Variants in FAN1 observed in about 807,000 individuals in gnomAD.
The protein encoded by FAN1 is FANCD2 and FANCI associated nuclease 1, also known as fanconi-associated nuclease 1.
Under a neutral mutation model 104.9 loss-of-function variants are expected in FAN1, and 91 were observed. That is an observed-to-expected ratio of 0.87 (90% confidence interval 0.73 to 1.03). FAN1 has a LOEUF of 1.03. Ranked by LOEUF, FAN1 falls within the 50% of genes least tolerant of loss-of-function variation. The pLI is 0.00. For missense variants in FAN1, 1,263 were observed against 1,239.9 expected (o/e 1.02, Z -0.28); for synonymous variants, 478 against 457.6 (o/e 1.04, Z -0.57).
At chr15:30,909,512 A>G (rs2062052066) in intron 3 of FAN1, among the ~76,000 whole-genome samples, 1 of 152,162 alleles carries the variant, frequency 6.6e-6, no homozygotes, top group Admixed American at 6.5e-5. Context: ...GTAAATTCAT[A>G]TGTCTGACAG....
Position 30,929,579 on chromosome 15 carries a change from TTATATTA to T in FAN1, c.2787+197_2787+203del, listed in dbSNP as rs1156776764. Among the ~76,000 whole-genome samples, 39 of 127,732 alleles carry T rather than the reference TTATATTA, an allele frequency of 3.1e-4. 1 individual carries two copies. Among genetic ancestry groups the T allele is most frequent in the Middle Eastern group, 7.5e-3 (2 of 268 alleles). 83.8% of individuals were successfully genotyped at this position (127,732 alleles called of 152,430 possible). ...ATATATTATATCTTTATTATATTTA[TTATATTA>T]TATATTATATATTACATATTACATA... On this transcript the variant is annotated intron_variant, in intron 12 of 14. Coordinates refer to ENST00000362065, the MANE Select transcript of FAN1 (RefSeq NM_014967.5).
At chr15:30,923,345 G>A (rs1485538495) in intron 8 of FAN1, among the ~76,000 whole-genome samples, 1 of 152,142 alleles carries the variant, frequency 6.6e-6, no homozygotes, top group African/African-American at 2.4e-5. Context: ...GAAGGAGAAA[G>A]CTTGTGTTTC....
At chr15:30,940,334 C>T in intron 14 of FAN1, 2 of 985,418 alleles carry the variant, frequency 2.0e-6, no homozygotes, top group South Asian at 9.4e-5. Flanking sequence ...TTCTCCTCAA[C>T]TTTGCTGTCC....
At chr15:30,939,713 T>C in intron 14 of FAN1, 8 of 974,966 alleles carry the variant, frequency 8.2e-6, no homozygotes, top group Non-Finnish European at 9.7e-6. Context: ...CCAAAACATT[T>C]AGTAATAATA....
rs1359060032 is a variant in FAN1 at position 30,929,268 on chromosome 15, G to A, written c.2658G>A (p.Arg886=). 6.2e-7 allele frequency: 1 copy of A among 1,613,688 alleles called. No individual in the cohort carries two copies. The highest frequency in any genetic ancestry group is 8.5e-7 in the Non-Finnish European group (1 of 1,179,862). Residue 886 remains arginine, a synonymous_variant, in exon 12 of 15, where the codon AGG becomes AGA. Coordinates refer to ENST00000362065, the MANE Select transcript of FAN1 (RefSeq NM_014967.5). ...GCAGACGCCCAGCCCTTGAGGCCAGGCTGCAGCTGATTCATGATGCCCCCG... is the reference window on the plus strand; with the variant it reads ...GCAGACGCCCAGCCCTTGAGGCCAGACTGCAGCTGATTCATGATGCCCCCG... The part of the protein sequence containing the change: ...FTSRRPALEA[R]LQLIHDAPEE...
chr15:30,924,992 TC>T (rs1262373870), intron 8 of FAN1, 134 bp from the exon 9 acceptor site: 1 of 860,878 alleles, frequency 1.2e-6, no homozygotes, highest in Non-Finnish European at 1.8e-6. Context: ...AGCCTAAATC[TC>T]TAGAAGTGCT....
At chr15:30,906,379 A>C (rs1337092257) in intron 2 of FAN1, 2 of 457,020 alleles carry the variant, frequency 4.4e-6, no homozygotes, top group Non-Finnish European at 8.8e-6. Context: ...AGATTTATGG[A>C]CTGTGCCTTT....
chr15:30,921,041 C>G (rs911040719), intron 7 of FAN1, among the ~76,000 whole-genome samples: 2 of 152,222 alleles, frequency 1.3e-5, no homozygotes, highest in Non-Finnish European at 2.9e-5. Flanking sequence ...ACCTTGGCCT[C>G]TGATGCTTTG....
At position 30,941,628 on chromosome 15, in the gene FAN1, T is replaced by C. The variant is rs1043247; in HGVS notation, c.*66T>C. ...AACTCCGGTGTCCCCGAGGTGTCGG[T>C]GTGGTGAGGGCCGCTGGCGTTGAAG... On this transcript the variant is annotated 3_prime_UTR_variant, in exon 15 of 15. Transcript: ENST00000362065. 1.9e-6 allele frequency: 3 copies of C among 1,606,792 alleles called. No homozygotes were observed. Among genetic ancestry groups the C allele is most frequent in the Non-Finnish European group, 2.5e-6 (3 of 1,176,478 alleles).
rs200389600 is a variant in FAN1 at position 30,925,078 on chromosome 15, C to T, written c.2173-49C>T. 152 of 1,551,610 alleles carry T rather than the reference C, an allele frequency of 9.8e-5. 1 individual carries two copies. The African/African-American group carries it at 1.8e-3, about 19-fold the overall frequency. ...TCTGTCAAACTAAATGCATGGAAGC[C>T]GCCATGGGTTTTTTTAGGAGCCTGA... On this transcript the variant is annotated intron_variant, in intron 8 of 14. Transcript: ENST00000362065.
At chr15:30,940,517 A>G in intron 14 of FAN1, 1 of 985,470 alleles carries the variant, frequency 1.0e-6, no homozygotes, top group African/African-American at 1.7e-5. Context: ...AAGTGCCAGC[A>G]ATAGTTTACC....
At chr15:30,907,547 AAAAC>A (rs1172455362) in intron 2 of FAN1, among the ~76,000 whole-genome samples, 3 of 151,818 alleles carry the variant, frequency 2.0e-5, no homozygotes, top group African/African-American at 7.3e-5. Flanking sequence ...ACAAAACAAA[AAAAC>A]AACCAAAAAA....
intron 10 of FAN1, chr15:30,927,929 A>T: frequency 1.0e-6 from 1 of 985,718 alleles, no homozygotes; most frequent in Non-Finnish European, 1.2e-6. Flanking sequence ...TCAGTAAAAC[A>T]TTTGTGTGAC....
At chr15:30,910,455 C>T (rs768488127) in intron 3 of FAN1, among the ~76,000 whole-genome samples, 159 bp from the exon 4 acceptor site, 19 of 152,164 alleles carry the variant, frequency 1.2e-4, no homozygotes, top group South Asian at 8.3e-4. Flanking sequence ...GTTATTAATA[C>T]GTTAATAATA....
chr15:30,940,038 TAC>T (rs547134768), intron 14 of FAN1: 166 of 978,300 alleles, frequency 1.7e-4, no homozygotes, highest in Non-Finnish European at 1.9e-4. Context: ...AAAGGTAAAA[TAC>T]AGTTATCTTG....
At chr15:30,916,964 C>T (rs952382892) in intron 5 of FAN1, among the ~76,000 whole-genome samples, 4 of 152,092 alleles carry the variant, frequency 2.6e-5, no homozygotes, top group African/African-American at 9.7e-5. Context: ...GCCTGCGTCC[C>T]GGCCGCGAGA....
chr15:30,929,273 A>G lies in FAN1; in HGVS notation c.2663A>G (p.Gln888Arg). The G allele has an allele frequency of 6.2e-7, 1 of 1,613,692 alleles. No individual in the cohort carries two copies. Residue 888 changes from glutamine to arginine, a missense_variant, in exon 12 of 15, where the codon CAG becomes CGG. Physicochemically the swap from Gln to Arg is conservative, Grantham distance 43 (BLOSUM62 1). Around this residue, in one of 2 missense-constraint regions of FAN1, gnomAD observed 581 missense variants for 668.8 expected, o/e 0.87. Coordinates refer to ENST00000362065, the MANE Select transcript of FAN1 (RefSeq NM_014967.5). ...CGCCCAGCCCTTGAGGCCAGGCTGC[A>G]GCTGATTCATGATGCCCCCGAGGAG... is the stretch of plus-strand genomic sequence containing the variant. ...SRRPALEARL[Q>R]LIHDAPEESL... is the part of the protein sequence containing the mutation.
intron 2 of FAN1, among the ~76,000 whole-genome samples, chr15:30,906,855 G>A (rs574268479): frequency 6.6e-6 from 1 of 152,096 alleles, no homozygotes; most frequent in African/African-American, 2.4e-5. Flanking sequence ...TAGCACATTG[G>A]CTTTTCTATC....
rs1219243738 is a variant in FAN1, at chr15:30,941,657, A to G, written c.*95A>G. ...GTGAGGGCCGCTGGCGTTGAAGTACATCCTGCTCTGGCCCAGCTCCCCATA... is the reference window on the plus strand; with the variant it reads ...GTGAGGGCCGCTGGCGTTGAAGTACGTCCTGCTCTGGCCCAGCTCCCCATA... On this transcript the variant is annotated 3_prime_UTR_variant, in exon 15 of 15. Transcript: ENST00000362065. 1.2e-6 allele frequency: 2 copies of G among 1,612,510 alleles called. No individual in the cohort carries two copies. Among genetic ancestry groups the G allele is most frequent in the Non-Finnish European group, 1.7e-6 (2 of 1,179,298 alleles).
Sources: gnomAD v4.1 joint callset for allele counts (sites outside exome capture counted in the v4.1 genomes callset) on GRCh38, gnomAD v4.1.1 for gene constraint, gnomAD v4.1.1 regional missense constraint, MANE v1.5 for transcripts, NCBI Gene and HGNC (gene_info 2026-07-23, HGNC 2026-07-21) for gene names.